NHSL3: variants seen among roughly 807,000 people sequenced by gnomAD.
NHSL3 encodes the protein NHS like 3, also known as NHS-like protein 3.
the NHSL3 span, chr1:32,770,559 G>A: frequency 6.6e-7 from 1 of 1,525,850 alleles, no homozygotes; most frequent in Non-Finnish European, 8.8e-7. This position sits in a 1 kb window ranked among gnomAD's most constrained non-coding sequence, Gnocchi z 8.3. Context: ...GAGGCAGTGG[G>A]AGGGGCTCTC....
At chr1:32,751,420 C>T in the NHSL3 span, among the ~76,000 whole-genome samples, 8 of 152,206 alleles carry the variant, frequency 5.3e-5, no homozygotes, top group Non-Finnish European at 1.5e-5. Context: ...CACATAGGTA[C>T]ACCTACTATG....
At chr1:32,761,023 G>A in the NHSL3 span, among the ~76,000 whole-genome samples, 5 of 152,268 alleles carry the variant, frequency 3.3e-5, no homozygotes, top group East Asian at 9.7e-4. Flanking sequence ...TGTGCCCTCC[G>A]TGCTGGGGGC....
chr1:32,754,919 C>T, the NHSL3 span, among the ~76,000 whole-genome samples: 836 of 151,960 alleles, frequency 5.5e-3, 35 homozygotes, highest in Admixed American at 0.05. Context: ...GACTTCTCCC[C>T]GCCTCCCCCC....
the NHSL3 span, among the ~76,000 whole-genome samples, chr1:32,743,435 G>C: frequency 7.2e-5 from 11 of 152,300 alleles, no homozygotes; most frequent in South Asian, 2.3e-3. Flanking sequence ...CTGGGGCTGG[G>C]GTGACTGGGC....
chr1:32,765,125 G>A, the NHSL3 span, among the ~76,000 whole-genome samples: 1 of 152,216 alleles, frequency 6.6e-6, no homozygotes, highest in African/African-American at 2.4e-5. Flanking sequence ...GAAAGTGTGG[G>A]GCTGAACCTA....
the NHSL3 span, among the ~76,000 whole-genome samples, chr1:32,750,890 C>T: frequency 6.6e-6 from 1 of 151,976 alleles, no homozygotes; most frequent in Non-Finnish European, 1.5e-5. Flanking sequence ...CAGCTCACTG[C>T]AACCTCTGAC....
At chr1:32,741,969 G>GC in the NHSL3 span, 6 of 1,119,124 alleles carry the variant, frequency 5.4e-6, no homozygotes, top group African/African-American at 1.7e-5. The surrounding 1 kb of genome is among the most constrained non-coding windows in gnomAD (Gnocchi z 4.3). Context: ...CGGCCCGCGC[G>GC]CCCCCCGCCG....
At chr1:32,762,085 A>G in the NHSL3 span, among the ~76,000 whole-genome samples, 1 of 152,226 alleles carries the variant, frequency 6.6e-6, no homozygotes, top group African/African-American at 2.4e-5. Flanking sequence ...AATGGGAATA[A>G]AAGTGCCTAC....
At chr1:32,767,001 C>A in the NHSL3 span, among the ~76,000 whole-genome samples, 1 of 152,122 alleles carries the variant, frequency 6.6e-6, no homozygotes, top group Non-Finnish European at 1.5e-5. Context: ...CTGGGTCTTT[C>A]TTCTCCCCTC....
chr1:32,752,903 A>G, the NHSL3 span, among the ~76,000 whole-genome samples: 48 of 9,396 alleles, frequency 5.1e-3, no homozygotes, highest in South Asian at 0.12. Flanking sequence ...AAAAACATGC[A>G]CACACACACA....
the NHSL3 span, among the ~76,000 whole-genome samples, chr1:32,753,860 G>T: frequency 1.3e-5 from 2 of 152,294 alleles, no homozygotes; most frequent in Admixed American, 1.3e-4. Context: ...CGGTCTCCCA[G>T]GTCCCGGGAG....
chr1:32,751,053 T>C, the NHSL3 span, among the ~76,000 whole-genome samples: 1 of 152,112 alleles, frequency 6.6e-6, no homozygotes, highest in Non-Finnish European at 1.5e-5. Flanking sequence ...TCAGGTGATC[T>C]GCCCGCCTCT....
the NHSL3 span, among the ~76,000 whole-genome samples, chr1:32,761,384 C>T: frequency 1.3e-5 from 2 of 152,114 alleles, no homozygotes; most frequent in African/African-American, 4.8e-5. Flanking sequence ...GCTGGGGCAA[C>T]CAGATGTTAT....
chr1:32,745,506 C>T, the NHSL3 span, among the ~76,000 whole-genome samples: 16 of 142,000 alleles, frequency 1.1e-4, no homozygotes, highest in East Asian at 1.5e-3. Flanking sequence ...TGCAGTGAGG[C>T]GAGATTGCAC....
At chr1:32,747,809 A>G in the NHSL3 span, among the ~76,000 whole-genome samples, 1 of 152,148 alleles carries the variant, frequency 6.6e-6, no homozygotes, top group African/African-American at 2.4e-5. Context: ...CTAAAAATAC[A>G]AAAATCAAAA....
chr1:32,762,584 TTTTA>T, the NHSL3 span, among the ~76,000 whole-genome samples: 1 of 151,780 alleles, frequency 6.6e-6, no homozygotes, highest in African/African-American at 2.4e-5. Context: ...CCAGGAAATC[TTTTA>T]TTTATTTTTT....
the NHSL3 span, chr1:32,770,684 G>T: frequency 6.5e-7 from 1 of 1,531,978 alleles, no homozygotes; most frequent in South Asian, 1.3e-5. The surrounding 1 kb of genome is among the most constrained non-coding windows in gnomAD (Gnocchi z 8.3). Flanking sequence ...CCCCCTCCCC[G>T]CCGGACCCAC....
At chr1:32,754,426 C>T in the NHSL3 span, among the ~76,000 whole-genome samples, 2 of 152,076 alleles carry the variant, frequency 1.3e-5, no homozygotes, top group Middle Eastern at 6.8e-3. Flanking sequence ...TGTACGGACA[C>T]GCAGACACAG....
chr1:32,746,485 TA>T, the NHSL3 span, among the ~76,000 whole-genome samples: 1 of 152,162 alleles, frequency 6.6e-6, no homozygotes, highest in Non-Finnish European at 1.5e-5. Context: ...CTATGTGCTA[TA>T]TATACCCTGG....
Sources: allele counts gnomAD v4.1 joint callset (sites outside exome capture counted in the v4.1 genomes callset), GRCh38; gene constraint gnomAD v4.1.1; non-coding constraint Gnocchi (gnomAD v3.1); transcripts MANE v1.5; gene names NCBI Gene and HGNC (gene_info 2026-07-23, HGNC 2026-07-21).